Variants in KDR observed in about 807,000 individuals in gnomAD.
KDR encodes the protein kinase insert domain receptor, also known as vascular endothelial growth factor receptor 2.
A neutral mutation model predicts 160.9 loss-of-function variants in KDR; 43 were observed. The observed-to-expected ratio is 0.27, with a 90% CI of 0.21 to 0.34. The LOEUF is 0.34. Among genes scored for constraint, KDR ranks in the 10% least tolerant of loss-of-function variants. KDR has a pLI of 1.00. For missense variants in KDR, 1,469 were observed against 1,666.4 expected (o/e 0.88, Z 2.06); for synonymous variants, 617 against 600.1 (o/e 1.03, Z -0.41).
intron 18 of KDR, 111 bp from the exon 19 acceptor site, chr4:55,096,453 G>A: frequency 1.4e-6 from 1 of 736,666 alleles, no homozygotes; most frequent in Non-Finnish European, 2.4e-6. Flanking sequence ...GGGTAACACA[G>A]CTGTGACCTA....
At chr4:55,105,036 C>A in intron 12 of KDR, 52 bp from the exon 13 acceptor site, 1 of 1,436,752 alleles carries the variant, frequency 7.0e-7, no homozygotes, top group African/African-American at 1.4e-5. Flanking sequence ...TGGTACAGCT[C>A]ACTATCATCT....
In KDR at chr4:55,082,159, A is replaced by T. The variant is rs540502162; in HGVS notation, c.3763-118T>A. 4.1e-4 allele frequency: 337 copies of T among 814,798 alleles called. 2 individuals carry two copies. The African/African-American group carries it at 5.2e-3, about 13-fold the overall frequency. The allele number at this position is 814,798 out of a possible 1,614,324, so 50.5% of individuals were successfully genotyped here. A position where few individuals can be genotyped will look rare whatever the true frequency, so the allele number is the denominator to read the frequency against. On this transcript the variant is annotated intron_variant, in intron 28 of 29. Transcript: ENST00000263923. ...CTATCAAATAAGGTCCTGTGGAAGA[A>T]CATAAAGGTATCATAGCCACAAATT...
Position 55,107,730 on chromosome 4 carries a change from T to A in KDR, c.1412+7A>T. 1 of 1,613,906 alleles carries A rather than the reference T, an allele frequency of 6.2e-7. No homozygotes were observed. Among genetic ancestry groups the A allele is most frequent in the Non-Finnish European group, 8.5e-7 (1 of 1,179,842 alleles). On this transcript the variant is annotated splice_region_variant and intron_variant, in intron 10 of 29. Coordinates refer to ENST00000263923, the MANE Select transcript of KDR (RefSeq NM_002253.4). ...CAGGAAAGCAAAGAGCATGTGGCCT[T>A]ACTCACCTGGGCTCGTTGGCGCACT...
rs1251565662 is a variant in KDR, at chr4:55,121,133, G to T, written c.125C>A (p.Thr42Lys). ...TTGAAGAGTTGTATTAGCCTTAATT[G>T]TAAGTATGTCTTTTTGTATGCTGAG... ...PRLSIQKDIL[T>K]IKANTTLQIT... Residue 42 changes from threonine to lysine, a missense_variant, in exon 2 of 30, where the codon ACA becomes AAA. By Grantham distance (78) the Thr-to-Lys change is moderately conservative. Around this residue, in one of 7 missense-constraint regions of KDR, gnomAD observed 792 missense variants for 840.9 expected, o/e 0.94. Coordinates refer to ENST00000263923, the MANE Select transcript of KDR (RefSeq NM_002253.4). The T allele has an allele frequency of 6.2e-7, 1 of 1,613,364 alleles. No homozygotes were observed. The highest frequency in any genetic ancestry group is 8.5e-7 in the Non-Finnish European group (1 of 1,179,516).
intron 27 of KDR, among the ~76,000 whole-genome samples, chr4:55,084,581 T>C (rs1048691261): frequency 3.3e-5 from 5 of 152,158 alleles, no homozygotes; most frequent in African/African-American, 9.7e-5. Flanking sequence ...ACAGGTCTTT[T>C]AACTATTTCC....
chr4:55,120,851 C>CAT (rs10634099), intron 2 of KDR, among the ~76,000 whole-genome samples: 2,979 of 150,050 alleles, frequency 0.02, 40 homozygotes, highest in Middle Eastern at 0.024. Flanking sequence ...TATTTGTGTG[C>CAT]GTGTGTGTGT....
At position 55,097,751 on chromosome 4, in the gene KDR, C is replaced by T. The variant is rs149901681; in HGVS notation, c.2525G>A (p.Arg842His). ...DRLKLGKPLG[R>H]GAFGQVIEAD... Reference sequence around the variant, plus strand: ...TTCAATCACTTGGCCAAAGGCACCACGGCCAAGAGGCTTACCTAGAGTCAA... The same window carrying T: ...TTCAATCACTTGGCCAAAGGCACCATGGCCAAGAGGCTTACCTAGAGTCAA... The change falls in exon 18 of 30, where the codon CGT (arginine) becomes CAT (histidine). Residue 842 changes from arginine (R) to histidine (H), a missense_variant. Around this residue, in one of 7 missense-constraint regions of KDR, gnomAD observed 151 missense variants for 207.2 expected, o/e 0.73. Transcript: ENST00000263923. 1.4e-4 allele frequency: 231 copies of T among 1,612,154 alleles called. No homozygotes were observed. Among genetic ancestry groups the T allele is most frequent in the African/African-American group, 1.7e-4 (13 of 74,682 alleles).
intron 5 of KDR, 101 bp from the exon 6 acceptor site, chr4:55,114,366 A>G: frequency 7.7e-7 from 1 of 1,303,272 alleles, no homozygotes; most frequent in Non-Finnish European, 1.1e-6. Flanking sequence ...AAAACATGCC[A>G]CATTGTTTTT....
At chr4:55,125,199 C>A (rs1721000072) in intron 1 of KDR, 28 bp downstream of exon 1, 3 of 1,605,678 alleles carry the variant, frequency 1.9e-6, no homozygotes, top group Non-Finnish European at 1.7e-6. Flanking sequence ...GACCTGTCTG[C>A]CTTCCTCCTC....
chr4:55,104,646 G>C lies in KDR; in HGVS notation c.1984C>G (p.Leu662Val), dbSNP rs779902862. The C allele has an allele frequency of 6.2e-7, 1 of 1,612,844 alleles. No homozygotes were observed. The highest frequency in any genetic ancestry group is 8.5e-7 in the Non-Finnish European group (1 of 1,179,406). Residue 662 changes from leucine (L) to valine (V), a missense_variant, in exon 13 of 30, where the codon CTA becomes GTA. By Grantham distance (32) the Leu-to-Val change is conservative. Coordinates refer to ENST00000263923, the MANE Select transcript of KDR (RefSeq NM_002253.4). ...RHCVVRQLTV[L>V]ERVAPTITGN... is the part of the protein sequence containing the mutation. Reference sequence around the variant, plus strand: ...TGATCCAGAATTGTCTCCCTACCTAGGACTGTGAGCTGCCTGACCACGCAA... The same window carrying C: ...TGATCCAGAATTGTCTCCCTACCTACGACTGTGAGCTGCCTGACCACGCAA...
At chr4:55,116,180 G>A (rs1389084605) in intron 3 of KDR, among the ~76,000 whole-genome samples, 1 of 152,142 alleles carries the variant, frequency 6.6e-6, no homozygotes, top group African/African-American at 2.4e-5. Flanking sequence ...ACTTTGGGAG[G>A]CTGAGGCAGG....
At chr4:55,098,891 TC>T in intron 15 of KDR, 88 bp from the exon 16 acceptor site, 1 of 960,218 alleles carries the variant, frequency 1.0e-6, no homozygotes, top group East Asian at 2.5e-5. Flanking sequence ...TAAAGCAAAA[TC>T]CCAAGCTTAC....
intron 9 of KDR, among the ~76,000 whole-genome samples, chr4:55,109,552 A>G (rs7673274): frequency 0.55 from 83,407 of 151,992 alleles, 23,974 homozygotes; most frequent in East Asian, 0.78. Flanking sequence ...AGCATTTCTC[A>G]AACTGTTTGG....
chr4:55,094,830 C>T lies in KDR; in HGVS notation c.2943G>A (p.Lys981=). 4 of 1,614,012 alleles carry T rather than the reference C, an allele frequency of 2.5e-6. No homozygotes were observed. The highest frequency in any genetic ancestry group is 3.4e-6 in the Non-Finnish European group (4 of 1,179,906). The change falls in exon 21 of 30, where the codon AAG becomes AAA. Residue 981 remains lysine (K), a synonymous_variant. Coordinates refer to ENST00000263923, the MANE Select transcript of KDR (RefSeq NM_002253.4). ...SSASSGFVEE[K]SLSDVEEEEA... ...CCTCTTCTTCTACATCACTGAGGGA[C>T]TTCTCCTCCACAAATCCAGAGCTGG...
Position 55,107,728 on chromosome 4 carries a change from C to G in KDR, c.1412+9G>C. On this transcript the variant is annotated intron_variant, in intron 10 of 29. Transcript: ENST00000263923. ...GGCAGGAAAGCAAAGAGCATGTGGC[C>G]TTACTCACCTGGGCTCGTTGGCGCA... 2 of 1,613,850 alleles carry G rather than the reference C, an allele frequency of 1.2e-6. No individual in the cohort carries two copies. The highest frequency in any genetic ancestry group is 1.1e-5 in the South Asian group (1 of 91,070).
intron 3 of KDR, among the ~76,000 whole-genome samples, chr4:55,115,810 A>T (rs1720720136): frequency 6.6e-6 from 1 of 152,204 alleles, no homozygotes; most frequent in South Asian, 2.1e-4. Flanking sequence ...AAATCTATAC[A>T]CTTTACCGAC....
intron 15 of KDR, among the ~76,000 whole-genome samples, chr4:55,101,105 G>A (rs948931484): frequency 4.6e-5 from 7 of 152,068 alleles, no homozygotes; most frequent in South Asian, 2.1e-4. Context: ...ATTAAAACTC[G>A]GAATCCTTGT....
intron 26 of KDR, 43 bp downstream of exon 26, chr4:55,088,825 C>T (rs1719934870): frequency 7.3e-7 from 1 of 1,362,862 alleles, no homozygotes. Flanking sequence ...TCCTTGACAT[C>T]TAAGTACTCT....
At chr4:55,110,318 A>T in intron 9 of KDR, 85 bp downstream of exon 9, 4 of 1,362,852 alleles carry the variant, frequency 2.9e-6, no homozygotes, top group East Asian at 2.3e-5. Flanking sequence ...AAGCAGCAGG[A>T]GGCAGAGGAA....
Sources: gnomAD v4.1 joint callset for allele counts (sites outside exome capture counted in the v4.1 genomes callset) on GRCh38, gnomAD v4.1.1 for gene constraint, gnomAD v4.1.1 regional missense constraint, MANE v1.5 for transcripts, NCBI Gene and HGNC (gene_info 2026-07-23, HGNC 2026-07-21) for gene names.